Variants in RPS6KL1 observed in about 807,000 individuals in gnomAD.
The protein encoded by RPS6KL1 is ribosomal protein S6 kinase-like 1.
RPS6KL1 carries 41 observed loss-of-function variants against 57.0 expected under a neutral mutation model. The ratio of observed to expected loss-of-function variants is 0.72; its 90% CI spans 0.56 to 0.93. RPS6KL1 has a LOEUF of 0.93. Ranked by LOEUF, RPS6KL1 falls within the 40% of genes least tolerant of loss-of-function variation. The probability of loss-of-function intolerance (pLI) is 0.00; values close to 1 mark genes in which losing one functional copy is unlikely to be tolerated. For missense variants in RPS6KL1, 697 were observed against 727.7 expected (o/e 0.96, Z 0.49); for synonymous variants, 287 against 309.7 (o/e 0.93, Z 0.77).
Position 74,904,320 on chromosome 14 carries a change from A to G in RPS6KL1, c.*2694T>C, listed in dbSNP as rs546067610. 6.6e-6 allele frequency: 1 copy of G among 152,354 alleles called. No homozygotes were observed. Among genetic ancestry groups the G allele is most frequent in the African/African-American group, 2.4e-5 (1 of 41,590 alleles). The allele number at this position is 152,354 out of a possible 1,614,324, so 9.4% of individuals were successfully genotyped here. On this transcript the variant is annotated 3_prime_UTR_variant, in exon 12 of 12. Coordinates refer to ENST00000557413, the MANE Select transcript of RPS6KL1 (RefSeq NM_031464.5). ...TTTTATGCAGATGAAGCCTCCAGCC[A>G]GCAGGCTTCAGAGAAAATAGATTGT... is the stretch of plus-strand genomic sequence containing the variant.
chr14:74,918,489 C>G (rs1406402065), intron 5 of RPS6KL1, 24 bp downstream of exon 5: 1 of 1,484,540 alleles, frequency 6.7e-7, no homozygotes, highest in Non-Finnish European at 9.0e-7. Flanking sequence ...CTCCCTCCTG[C>G]AAGGCGAGTG....
At chr14:74,911,157 C>G (rs776864513) in intron 7 of RPS6KL1, 91 bp downstream of exon 7, 1 of 1,309,932 alleles carries the variant, frequency 7.6e-7, no homozygotes. Context: ...CAGGCGTGAG[C>G]CACCACGCCC....
chr14:74,911,968 G>A lies in RPS6KL1; in HGVS notation c.484-127C>T, dbSNP rs1226350487. On this transcript the variant is annotated intron_variant, in intron 5 of 11. Transcript: ENST00000557413. Reference sequence around the variant, plus strand: ...ACTCCAGTGGCAGGGCAGGGAGGGCGGGCTTTGGTGGCACTCCTGAAGCAG... The same window carrying A: ...ACTCCAGTGGCAGGGCAGGGAGGGCAGGCTTTGGTGGCACTCCTGAAGCAG... The A allele has an allele frequency of 1.5e-5, 11 of 709,776 alleles. No homozygotes were observed. In the East Asian group the frequency reaches 2.2e-4, roughly 14 times the overall value. The allele number at this position is 709,776 out of a possible 1,614,324, so 44.0% of individuals were successfully genotyped here. A position where few individuals can be genotyped will look rare whatever the true frequency, so the allele number is the denominator to read the frequency against.
intron 8 of RPS6KL1, 37 bp downstream of exon 8, chr14:74,909,506 G>T: frequency 6.5e-7 from 1 of 1,547,330 alleles, no homozygotes; most frequent in Non-Finnish European, 8.7e-7. Context: ...TGGACGCTTT[G>T]GGGGCCACCC....
chr14:74,910,121 G>A lies in RPS6KL1; in HGVS notation c.692C>T (p.Ser231Phe). ...CCCAGAATGTCGGGAGTGCGCCTGGGAGAGCAGGTGGGACCAGAGAGTGCC... is the reference window on the plus strand; with the variant it reads ...CCCAGAATGTCGGGAGTGCGCCTGGAAGAGCAGGTGGGACCAGAGAGTGCC... Reference protein sequence around the residue: ...QGGTLWSHLLSQAHSRHSGLS... With the variant: ...QGGTLWSHLLFQAHSRHSGLS... Residue 231 changes from serine to phenylalanine, a missense_variant, in exon 8 of 12, where the codon TCC becomes TTC. Coordinates refer to ENST00000557413, the MANE Select transcript of RPS6KL1 (RefSeq NM_031464.5). 4 of 1,562,124 alleles carry A rather than the reference G, an allele frequency of 2.6e-6. No individual in the cohort carries two copies. The highest frequency in any genetic ancestry group is 3.5e-6 in the Non-Finnish European group (4 of 1,156,614).
chr14:74,918,650 C>A, intron 4 of RPS6KL1, 45 bp from the exon 5 acceptor site: 1 of 1,428,120 alleles, frequency 7.0e-7, no homozygotes, highest in Non-Finnish European at 9.5e-7. Context: ...AGGGCCGAGC[C>A]CTCCTTGGCC....
chr14:74,920,368 G>C (rs1285041595), intron 3 of RPS6KL1, among the ~76,000 whole-genome samples: 1 of 152,242 alleles, frequency 6.6e-6, no homozygotes, highest in African/African-American at 2.4e-5. Flanking sequence ...AAGAAGGCTA[G>C]GGTGGGGACC....
intron 5 of RPS6KL1, among the ~76,000 whole-genome samples, chr14:74,912,848 G>A (rs946055061): frequency 1.3e-5 from 2 of 152,376 alleles, no homozygotes; most frequent in East Asian, 1.9e-4. Context: ...GCTGTCAATC[G>A]CAAGGTCAGG....
chr14:74,906,925 G>T lies in RPS6KL1; in HGVS notation c.*89C>A. The T allele has an allele frequency of 9.4e-7, 1 of 1,061,736 alleles. No individual in the cohort carries two copies. The highest frequency in any genetic ancestry group is 1.5e-6 in the Non-Finnish European group (1 of 682,374). The allele number at this position is 1,061,736 out of a possible 1,614,324, so 65.8% of individuals were successfully genotyped here. A position where few individuals can be genotyped will look rare whatever the true frequency, so the allele number is the denominator to read the frequency against. Reference sequence around the variant, plus strand: ...CTCCATTCCTCGCCCAAAGCCCGCTGATAGAGGGCCAGCCCTGGGTTGGGT... The same window carrying T: ...CTCCATTCCTCGCCCAAAGCCCGCTTATAGAGGGCCAGCCCTGGGTTGGGT... On this transcript the variant is annotated 3_prime_UTR_variant, in exon 12 of 12. Coordinates refer to ENST00000557413, the MANE Select transcript of RPS6KL1 (RefSeq NM_031464.5).
intron 4 of RPS6KL1, among the ~76,000 whole-genome samples, chr14:74,919,216 C>G (rs1049199295): frequency 4.6e-5 from 7 of 152,200 alleles, no homozygotes; most frequent in Non-Finnish European, 1.0e-4. Flanking sequence ...GGGAAGTAAC[C>G]TGGGAACGTG....
chr14:74,921,238 T>TGCCCCCCCCCCCCCCCCCCCCCCCC, intron 3 of RPS6KL1, 39 bp downstream of exon 3: 9 of 840,078 alleles, frequency 1.1e-5, no homozygotes, highest in African/African-American at 1.7e-5. Context: ...CACTGGCCCT[T>TGCCCCCCCCCCCCCCCCCCCCCCCC]CCCCACCCAC....
intron 3 of RPS6KL1, 39 bp downstream of exon 3, chr14:74,921,238 T>TCCCCCCCCCCCCCCCCC: frequency 3.6e-5 from 30 of 839,772 alleles, no homozygotes; most frequent in South Asian, 5.4e-5. Flanking sequence ...CACTGGCCCT[T>TCCCCCCCCCCCCCCCCC]CCCCACCCAC....
At chr14:74,917,413 T>G (rs1887031154) in intron 5 of RPS6KL1, among the ~76,000 whole-genome samples, 1 of 152,166 alleles carries the variant, frequency 6.6e-6, no homozygotes, top group South Asian at 2.1e-4. Flanking sequence ...AGTACAGGAC[T>G]GTCTCCTTTT....
In RPS6KL1 at chr14:74,922,435, G is replaced by A; in HGVS notation, c.-478C>T. On this transcript the variant is annotated 5_prime_UTR_variant, in exon 2 of 12. Coordinates refer to ENST00000557413, the MANE Select transcript of RPS6KL1 (RefSeq NM_031464.5). The stretch of plus-strand genomic sequence containing the variant: ...GAGGTCAGTGTGGTCAGCGAGTGAG[G>A]ACCCCTCCTGGAGCCAGCAGAGAGC... 8 of 728,074 alleles carry A rather than the reference G, an allele frequency of 1.1e-5. No individual in the cohort carries two copies. Among genetic ancestry groups the A allele is most frequent in the Non-Finnish European group, 1.2e-5 (7 of 593,994 alleles). 45.1% of individuals were successfully genotyped at this position (728,074 alleles called of 1,614,324 possible).
chr14:74,910,009 G>C lies in RPS6KL1; in HGVS notation c.804C>G (p.Gly268=). ...CGATTCTGTCCTGGCCAGGGGCATG[G>C]CCTGAGGGAAGCCTCGCTGGGGTCA... ...NLLTPARLPS[G]HAPGQDRIAL... The change falls in exon 8 of 12, where the codon GGC becomes GGG. Residue 268 remains glycine (G), a synonymous_variant. Coordinates refer to ENST00000557413, the MANE Select transcript of RPS6KL1 (RefSeq NM_031464.5). The C allele has an allele frequency of 6.2e-7, 1 of 1,613,988 alleles. No homozygotes were observed. The highest frequency in any genetic ancestry group is 8.5e-7 in the Non-Finnish European group (1 of 1,179,952).
intron 1 of RPS6KL1, 58 bp from the exon 2 acceptor site, chr14:74,922,543 G>A (rs1888007298): frequency 6.2e-6 from 1 of 162,468 alleles, no homozygotes; most frequent in African/African-American, 2.4e-5. Flanking sequence ...ATGGGGGGTA[G>A]AAGAGGGCAG....
chr14:74,911,928 CA>C, intron 5 of RPS6KL1, 87 bp from the exon 6 acceptor site: 1 of 1,178,308 alleles, frequency 8.5e-7, no homozygotes, highest in South Asian at 1.3e-5. Context: ...CAGGTTCCTC[CA>C]CTGAGGCTGA....
rs1884652661 is a variant in RPS6KL1 at position 74,905,577 on chromosome 14, T to C, written c.*1437A>G. On this transcript the variant is annotated 3_prime_UTR_variant, in exon 12 of 12. Transcript: ENST00000557413. ...GCTCTTGACTTCACTCTGGAGCTTC[T>C]ACAGGGGAGCCTTCCAACCTGCCCC... The C allele has an allele frequency of 6.6e-6, 1 of 152,118 alleles. No individual in the cohort carries two copies. Among genetic ancestry groups the C allele is most frequent in the Non-Finnish European group, 1.5e-5 (1 of 68,072 alleles). The allele number at this position is 152,118 out of a possible 1,614,324, so 9.4% of individuals were successfully genotyped here. A position where few individuals can be genotyped will look rare whatever the true frequency, so the allele number is the denominator to read the frequency against.
intron 4 of RPS6KL1, 36 bp downstream of exon 4, chr14:74,919,805 TCCTC>T: frequency 6.3e-7 from 1 of 1,587,992 alleles, no homozygotes; most frequent in Non-Finnish European, 8.6e-7. Context: ...CTCAGAGCCC[TCCTC>T]CCGCTCAGGC....
Sources: allele counts gnomAD v4.1 joint callset (sites outside exome capture counted in the v4.1 genomes callset), GRCh38; gene constraint gnomAD v4.1.1; transcripts MANE v1.5; gene names NCBI Gene and HGNC (gene_info 2026-07-23, HGNC 2026-07-21).